GOLGA4: variants seen among roughly 807,000 people sequenced by gnomAD.
GOLGA4 encodes golgin A4.
Under a neutral mutation model 265.9 loss-of-function variants are expected in GOLGA4, and 169 were observed. The ratio of observed to expected loss-of-function variants is 0.64; its 90% CI spans 0.56 to 0.72. The LOEUF (loss-of-function observed/expected upper bound fraction) is 0.72. Ranked by LOEUF, GOLGA4 falls within the 30% of genes least tolerant of loss-of-function variation. The probability of loss-of-function intolerance (pLI) is 0.00; values close to 1 mark genes in which losing one functional copy is unlikely to be tolerated. For missense variants in GOLGA4, 2,482 were observed against 2,483.4 expected (o/e 1.00, Z 0.01); for synonymous variants, 923 against 855.8 (o/e 1.08, Z -1.37).
intron 1 of GOLGA4, among the ~76,000 whole-genome samples, chr3:37,247,313 T>C (rs902695209): frequency 2.0e-5 from 3 of 152,174 alleles, no homozygotes; most frequent in East Asian, 1.9e-4. Context: ...ATGTTAGTTA[T>C]GAACAGTGAA....
chr3:37,253,898 C>T (rs4458322), intron 2 of GOLGA4, among the ~76,000 whole-genome samples: 44,443 of 151,666 alleles, frequency 0.29, 7,515 homozygotes, highest in Non-Finnish European at 0.39. Flanking sequence ...TCCCTGTAAT[C>T]CCAGCTATTT....
At chr3:37,244,343 C>G (rs975331827) in intron 1 of GOLGA4, among the ~76,000 whole-genome samples, 1 of 152,232 alleles carries the variant, frequency 6.6e-6, no homozygotes, top group Non-Finnish European at 1.5e-5. Context: ...AGTCTTGCTG[C>G]TCTGCGGACA....
intron 10 of GOLGA4, among the ~76,000 whole-genome samples, chr3:37,308,488 A>G (rs1036750032): frequency 7.9e-5 from 12 of 151,810 alleles, no homozygotes; most frequent in African/African-American, 2.4e-4. Flanking sequence ...GCTCTAGACT[A>G]GTAGCTTTCA....
At chr3:37,333,676 T>C (rs2096999173) in intron 16 of GOLGA4, among the ~76,000 whole-genome samples, 1 of 151,980 alleles carries the variant, frequency 6.6e-6, no homozygotes, top group Admixed American at 6.6e-5. Context: ...AGTGATGCAT[T>C]TACAACAATT....
intron 1 of GOLGA4, chr3:37,244,042 C>T (rs2150563601): frequency 5.9e-6 from 1 of 169,238 alleles, no homozygotes; most frequent in East Asian, 1.8e-4. Flanking sequence ...GTCCCCCTCT[C>T]TTTTGCCAGT....
At chr3:37,257,558 A>G (rs187081203) in intron 2 of GOLGA4, among the ~76,000 whole-genome samples, 22 of 152,114 alleles carry the variant, frequency 1.4e-4, no homozygotes, top group African/African-American at 5.1e-4. Context: ...TAACTAAGTT[A>G]TTAGGGACAG....
intron 2 of GOLGA4, among the ~76,000 whole-genome samples, chr3:37,259,878 A>C (rs1205347894): frequency 6.6e-6 from 1 of 152,186 alleles, no homozygotes; most frequent in South Asian, 2.1e-4. Context: ...CATTTTGTTT[A>C]AAGGCTTTCT....
intron 23 of GOLGA4, among the ~76,000 whole-genome samples, chr3:37,363,543 C>T (rs1450559615): frequency 6.6e-6 from 1 of 152,200 alleles, no homozygotes; most frequent in Non-Finnish European, 1.5e-5. Flanking sequence ...CACTCTTGTT[C>T]TCTCTCCATT....
At chr3:37,354,967 C>A in intron 21 of GOLGA4, 134 bp from the exon 22 acceptor site, 2 of 589,048 alleles carry the variant, frequency 3.4e-6, no homozygotes, top group East Asian at 2.8e-5. Flanking sequence ...TGACTAATAC[C>A]TTCACATCAT....
chr3:37,360,007 G>A (rs2097100322), intron 22 of GOLGA4, among the ~76,000 whole-genome samples: 1 of 152,106 alleles, frequency 6.6e-6, no homozygotes. Flanking sequence ...ACATAGAAAG[G>A]GAGTCCCTCA....
At chr3:37,358,610 C>A (rs140380567) in intron 22 of GOLGA4, among the ~76,000 whole-genome samples, 1 of 152,224 alleles carries the variant, frequency 6.6e-6, no homozygotes, top group African/African-American at 2.4e-5. Flanking sequence ...TGTCCAGGAA[C>A]CAGAGTACAG....
Position 37,321,787 on chromosome 3 carries a change from T to G in GOLGA4, c.1602T>G (p.Ser534=). The change falls in exon 13 of 24, where the codon TCT becomes TCG. Residue 534 remains serine (S), a synonymous_variant. Coordinates refer to ENST00000361924, the MANE Select transcript of GOLGA4 (RefSeq NM_002078.5). The part of the protein sequence containing the change: ...KISQEKEQQE[S]LALEELELQK... ...GCCAAGAAAAAGAACAGCAAGAATC[T>G]TTGGCCCTAGAAGAGTTAGAGTTGC... is the stretch of plus-strand genomic sequence containing the variant. 2 of 1,612,828 alleles carry G rather than the reference T, an allele frequency of 1.2e-6. No individual in the cohort carries two copies. The highest frequency in any genetic ancestry group is 1.7e-6 in the Non-Finnish European group (2 of 1,179,484).
Position 37,296,075 on chromosome 3 carries a change from C to T in GOLGA4, c.682-12C>T, listed in dbSNP as rs1230005756. The stretch of plus-strand genomic sequence containing the variant: ...TTTTTGACTTTTTTCTAATGAAGCA[C>T]ATTTATATTAGGTTTCTCTACTGAA... On this transcript the variant is annotated splice_polypyrimidine_tract_variant and intron_variant, in intron 6 of 23. Transcript: ENST00000361924. 1.9e-6 allele frequency: 3 copies of T among 1,612,080 alleles called. No homozygotes were observed. The highest frequency in any genetic ancestry group is 1.1e-5 in the South Asian group (1 of 91,016).
At chr3:37,358,579 C>T (rs572703000) in intron 22 of GOLGA4, among the ~76,000 whole-genome samples, 1 of 152,236 alleles carries the variant, frequency 6.6e-6, no homozygotes, top group East Asian at 1.9e-4. Flanking sequence ...CTTCACAAGA[C>T]TAACATAATC....
intron 2 of GOLGA4, among the ~76,000 whole-genome samples, chr3:37,278,682 A>G (rs879482999): frequency 1.1e-4 from 16 of 152,248 alleles, no homozygotes; most frequent in Admixed American, 9.8e-4. Context: ...CTTAAATATT[A>G]CAGATATTTT....
intron 22 of GOLGA4, among the ~76,000 whole-genome samples, chr3:37,361,015 G>C (rs1666982843): frequency 6.6e-6 from 1 of 152,106 alleles, no homozygotes; most frequent in South Asian, 2.1e-4. Context: ...GTCTTCAAAT[G>C]AAAGTTGCAA....
chr3:37,316,446 A>T (rs2096937843), intron 11 of GOLGA4, among the ~76,000 whole-genome samples: 1 of 152,082 alleles, frequency 6.6e-6, no homozygotes. Flanking sequence ...ACAGGCATTG[A>T]GGGGGGCAAA....
intron 19 of GOLGA4, 74 bp from the exon 20 acceptor site, chr3:37,340,050 G>T: frequency 1.5e-6 from 1 of 663,758 alleles, no homozygotes; most frequent in South Asian, 1.9e-5. Context: ...ACCTTGTGGT[G>T]ACAGCAATCT....
intron 23 of GOLGA4, among the ~76,000 whole-genome samples, chr3:37,365,868 A>G (rs1175863325): frequency 6.6e-6 from 1 of 151,378 alleles, no homozygotes; most frequent in African/African-American, 2.4e-5. Flanking sequence ...CCTGGCCTCA[A>G]GTGATTCTCC....
Sources: gnomAD v4.1 joint callset for allele counts (sites outside exome capture counted in the v4.1 genomes callset) on GRCh38, gnomAD v4.1.1 for gene constraint, MANE v1.5 for transcripts, NCBI Gene and HGNC (gene_info 2026-07-23, HGNC 2026-07-21) for gene names.